The following MAVS variants were observed in gnomAD, a reference collection of about 807,000 sequenced individuals.
MAVS encodes mitochondrial antiviral-signaling protein.
In MAVS, 20 loss-of-function variants were observed where a neutral mutation model predicts 30.2. The ratio of observed to expected loss-of-function variants is 0.66; its 90% CI spans 0.47 to 0.96. The LOEUF is 0.96. MAVS is among the 40% of genes least tolerant of loss of function. The pLI, the probability that MAVS is intolerant of heterozygous loss-of-function variation, is 0.00. For missense variants in MAVS, 624 were observed against 701.1 expected (o/e 0.89, Z 1.24); for synonymous variants, 278 against 293.9 (o/e 0.95, Z 0.55).
Position 3,857,620 on chromosome 20 carries a change from C to A in MAVS, c.118-15C>A, listed in dbSNP as rs1221346817. Reference sequence around the variant, plus strand: ...CCACCTGGCTTGAGCAGGACAGTGGCATTGTGTCTTCCAGGATCGACTGCG... The same window carrying A: ...CCACCTGGCTTGAGCAGGACAGTGGAATTGTGTCTTCCAGGATCGACTGCG... On this transcript the variant is annotated splice_polypyrimidine_tract_variant and intron_variant, in intron 2 of 6. Coordinates refer to ENST00000428216, the MANE Select transcript of MAVS (RefSeq NM_020746.5). 2 of 1,601,010 alleles carry A rather than the reference C, an allele frequency of 1.2e-6. No individual in the cohort carries two copies. Among genetic ancestry groups the A allele is most frequent in the Non-Finnish European group, 1.7e-6 (2 of 1,172,494 alleles).
rs547000507 is a variant in MAVS, at chr20:3,864,874, A to G, written c.1158+86A>G. The G allele has an allele frequency of 4.6e-6, 7 of 1,508,096 alleles. No individual in the cohort carries two copies. The South Asian group carries it at 7.4e-5, about 16-fold the overall frequency. The allele number at this position is 1,508,096 out of a possible 1,614,324, so 93.4% of individuals were successfully genotyped here. A position where few individuals can be genotyped will look rare whatever the true frequency, so the allele number is the denominator to read the frequency against. The stretch of plus-strand genomic sequence containing the variant: ...CTGGCCCTGGCCTTGGCCCCTTCCC[A>G]GTCTGCATTCTGTGTCCAGCCTGTG... On this transcript the variant is annotated intron_variant, in intron 6 of 6. Transcript: ENST00000428216.
rs2089713802 is a variant in MAVS, at chr20:3,846,889, C to CG, written c.-82_-81insG. On this transcript the variant is annotated 5_prime_UTR_variant, in exon 1 of 7. Transcript: ENST00000428216. Reference sequence around the variant, plus strand: ...GGGCGGCGGTCGCCAGGTCTCAGGGCCGGGGGTACCCGAGGTAAGATCGCT... The same window carrying CG: ...GGGCGGCGGTCGCCAGGTCTCAGGGCGCGGGGGTACCCGAGGTAAGATCGCT... 3 of 152,198 alleles carry CG rather than the reference C, an allele frequency of 2.0e-5. No homozygotes were observed. The highest frequency in any genetic ancestry group is 6.5e-5 in the Admixed American group (1 of 15,270). 9.4% of individuals were successfully genotyped at this position (152,198 alleles called of 1,614,324 possible). A position where few individuals can be genotyped will look rare whatever the true frequency, so the allele number is the denominator to read the frequency against.
At position 3,854,744 on chromosome 20, in the gene MAVS, G is replaced by A. The variant is rs1368851214; in HGVS notation, c.117+3G>A. 3.7e-6 allele frequency: 6 copies of A among 1,606,372 alleles called. No homozygotes were observed. The South Asian group carries it at 6.6e-5, about 18-fold the overall frequency. Reference sequence around the variant, plus strand: ...CCTGCCTCACAGCAAGAGACCAGGTGAGCAAGGGAAGTGACAGCCCGACAC... The same window carrying A: ...CCTGCCTCACAGCAAGAGACCAGGTAAGCAAGGGAAGTGACAGCCCGACAC... On this transcript the variant is annotated splice_donor_region_variant and intron_variant, in intron 2 of 6. Coordinates refer to ENST00000428216, the MANE Select transcript of MAVS (RefSeq NM_020746.5).
chr20:3,853,587 C>T (rs1319554262), intron 1 of MAVS, among the ~76,000 whole-genome samples: 1 of 151,804 alleles, frequency 6.6e-6, no homozygotes, highest in Non-Finnish European at 1.5e-5. Context: ...TGAGGCCAGG[C>T]GTTTGAGACC....
At position 3,861,494 on chromosome 20, in the gene MAVS, C is replaced by T; in HGVS notation, c.455C>T (p.Ser152Phe). Residue 152 changes from serine (S) to phenylalanine (F), a missense_variant, in exon 4 of 7, where the codon TCC (serine) becomes TTC (phenylalanine). By Grantham distance (155) the Ser-to-Phe change is radical (BLOSUM62 -2). Transcript: ENST00000428216. ...GTCCAGGAGACCCAGGCGCCAGAGT[C>T]CCCAGGAGAGGTCTGTCCTCATAGT... is the stretch of plus-strand genomic sequence containing the variant. ...MPVQETQAPESPGENSEQALQ... is the reference protein window; with the variant it reads ...MPVQETQAPEFPGENSEQALQ... The T allele has an allele frequency of 6.2e-7, 1 of 1,613,736 alleles. No individual in the cohort carries two copies. Among genetic ancestry groups the T allele is most frequent in the Non-Finnish European group, 8.5e-7 (1 of 1,179,826 alleles).
intron 3 of MAVS, among the ~76,000 whole-genome samples, chr20:3,858,284 A>G (rs2089830714): frequency 6.6e-6 from 1 of 151,406 alleles, no homozygotes; most frequent in Admixed American, 6.6e-5. Flanking sequence ...GACGCCCTCT[A>G]TCAGCTGCCC....
intron 2 of MAVS, among the ~76,000 whole-genome samples, chr20:3,855,730 G>A (rs1382354049): frequency 6.6e-6 from 1 of 152,068 alleles, no homozygotes; most frequent in African/African-American, 2.4e-5. Flanking sequence ...GGGTTTATAG[G>A]GATATCTTGT....
intron 1 of MAVS, among the ~76,000 whole-genome samples, chr20:3,853,845 A>G (rs1488299191): frequency 2.0e-5 from 3 of 151,890 alleles, no homozygotes; most frequent in African/African-American, 7.3e-5. Flanking sequence ...CTGGAGTGCA[A>G]TGGTGCAATC....
chr20:3,858,774 C>A (rs2089835894), intron 3 of MAVS, among the ~76,000 whole-genome samples: 1 of 150,392 alleles, frequency 6.6e-6, no homozygotes, highest in Non-Finnish European at 1.5e-5. Flanking sequence ...GTGGGACATC[C>A]ATGTTTTTCT....
intron 2 of MAVS, among the ~76,000 whole-genome samples, chr20:3,855,250 C>T (rs1039483199): frequency 3.3e-5 from 5 of 152,106 alleles, no homozygotes; most frequent in Non-Finnish European, 5.9e-5. Context: ...CGCCGAGCTC[C>T]CCCTTGTGTT....
chr20:3,853,066 C>T (rs1227063209), intron 1 of MAVS, among the ~76,000 whole-genome samples: 1 of 150,648 alleles, frequency 6.6e-6, no homozygotes, highest in Non-Finnish European at 1.5e-5. Flanking sequence ...GTATTGAACT[C>T]CTGACCTCGT....
chr20:3,866,504 A>C lies in MAVS; in HGVS notation c.*357A>C. 2 of 373,840 alleles carry C rather than the reference A, an allele frequency of 5.3e-6. No individual in the cohort carries two copies. The highest frequency in any genetic ancestry group is 9.9e-6 in the Non-Finnish European group (2 of 201,194). The allele number at this position is 373,840 out of a possible 1,614,324, so 23.2% of individuals were successfully genotyped here. A position where few individuals can be genotyped will look rare whatever the true frequency, so the allele number is the denominator to read the frequency against. On this transcript the variant is annotated 3_prime_UTR_variant, in exon 7 of 7. Transcript: ENST00000428216. ...CAGGTGGAGCAGGAGGGACCACTGG[A>C]ACATGTGGTGCTTGGGAATGCCTCT...
intron 5 of MAVS, among the ~76,000 whole-genome samples, chr20:3,862,817 C>A (rs570327086): frequency 6.6e-6 from 1 of 152,288 alleles, no homozygotes; most frequent in Admixed American, 6.5e-5. Context: ...CTCCAGCACA[C>A]AAACCCATCA....
At chr20:3,851,918 G>C (rs1383970001) in intron 1 of MAVS, among the ~76,000 whole-genome samples, 3 of 151,452 alleles carry the variant, frequency 2.0e-5, no homozygotes, top group African/African-American at 7.3e-5. Context: ...TTGTGCCATT[G>C]TACTCCAGCC....
intron 2 of MAVS, 33 bp from the exon 3 acceptor site, chr20:3,857,602 G>GCTTGA: frequency 6.3e-7 from 1 of 1,577,290 alleles, no homozygotes; most frequent in Middle Eastern, 2.2e-4. Flanking sequence ...GGGCCACCTG[G>GCTTGA]CTTGAGCAGG....
intron 2 of MAVS, among the ~76,000 whole-genome samples, chr20:3,856,813 C>G (rs1157704383): frequency 2.0e-5 from 3 of 151,930 alleles, no homozygotes; most frequent in Non-Finnish European, 4.4e-5. Flanking sequence ...GCGGGTGGAT[C>G]ACCTGAGGTC....
rs2089980568 is a variant in MAVS, at chr20:3,874,924, CCTGT to C, written c.*8778_*8781del. On this transcript the variant is annotated 3_prime_UTR_variant, in exon 7 of 7. Coordinates refer to ENST00000428216, the MANE Select transcript of MAVS (RefSeq NM_020746.5). ...ACCCCCCTAGGGTCAGTGGCGCCTG[CCTGT>C]GAGGGTGAGCCCAATGGCTAGAGGG... 2.0e-5 allele frequency: 3 copies of C among 152,374 alleles called. No individual in the cohort carries two copies. The highest frequency in any genetic ancestry group is 4.8e-5 in the African/African-American group (2 of 41,442). The allele number at this position is 152,374 out of a possible 1,614,324, so 9.4% of individuals were successfully genotyped here.
At position 3,866,237 on chromosome 20, in the gene MAVS, A is replaced by G. The variant is rs1468030520; in HGVS notation, c.*90A>G. The stretch of plus-strand genomic sequence containing the variant: ...GAAGCCCCTTGTCCCTTTCTTGGGG[A>G]TTGTGGAGGCTGGGTCAGAGGGGAG... On this transcript the variant is annotated 3_prime_UTR_variant, in exon 7 of 7. Transcript: ENST00000428216. 4 of 1,274,232 alleles carry G rather than the reference A, an allele frequency of 3.1e-6. No individual in the cohort carries two copies. Among genetic ancestry groups the G allele is most frequent in the Non-Finnish European group, 4.2e-6 (4 of 945,450 alleles). The allele number at this position is 1,274,232 out of a possible 1,614,324, so 78.9% of individuals were successfully genotyped here.
At position 3,874,106 on chromosome 20, in the gene MAVS, G is replaced by A. The variant is rs1341364798; in HGVS notation, c.*7959G>A. On this transcript the variant is annotated 3_prime_UTR_variant, in exon 7 of 7. Coordinates refer to ENST00000428216, the MANE Select transcript of MAVS (RefSeq NM_020746.5). ...AGCAACGAATATGAATGAAAATATC[G>A]CTATGCACAGCAACATGGATAAATT... The A allele has an allele frequency of 1.3e-5, 5 of 398,458 alleles. No individual in the cohort carries two copies. The highest frequency in any genetic ancestry group is 8.2e-5 in the African/African-American group (4 of 48,608). The allele number at this position is 398,458 out of a possible 1,614,324, so 24.7% of individuals were successfully genotyped here.
Sources: allele counts gnomAD v4.1 joint callset (sites outside exome capture counted in the v4.1 genomes callset), GRCh38; gene constraint gnomAD v4.1.1; transcripts MANE v1.5; gene names NCBI Gene and HGNC (gene_info 2026-07-23, HGNC 2026-07-21).